Variants in SH3KBP1 observed in about 807,000 individuals in gnomAD.
SH3KBP1 encodes SH3 domain-containing kinase-binding protein 1.
SH3KBP1 carries 8 observed loss-of-function variants against 50.1 expected under a neutral mutation model. The observed-to-expected ratio is 0.16, with a 90% confidence interval of 0.09 to 0.29. The LOEUF (loss-of-function observed/expected upper bound fraction) is 0.29, where lower values mean the gene tolerates loss of function less well. SH3KBP1 is among the 10% of genes least tolerant of loss of function. The pLI is 1.00. For synonymous variants in SH3KBP1, 227 were observed against 218.6 expected (o/e 1.04, Z -0.34); for missense variants, 377 against 535.2 (o/e 0.70, Z 2.92).
chrX:19,611,458 A>G (rs1023646300), intron 8 of SH3KBP1, among the ~76,000 whole-genome samples: 1 of 111,495 alleles, frequency 9.0e-6, no homozygotes, highest in Admixed American at 9.5e-5. Flanking sequence ...GGTTCAAGCA[A>G]TTCTCCTGCC....
At chrX:19,697,912 C>T (rs2063458029) in intron 4 of SH3KBP1, among the ~76,000 whole-genome samples, 1 of 111,907 alleles carries the variant, frequency 8.9e-6, no homozygotes, top group Admixed American at 9.4e-5. Flanking sequence ...TGCACAATCA[C>T]AAAATCTTCG....
At position 19,622,644 on chromosome X, in the gene SH3KBP1, A is replaced by G. The variant is rs1162794343; in HGVS notation, c.897+9220T>C. On this transcript the variant is annotated intron_variant, in intron 8 of 17. Coordinates refer to ENST00000397821, the MANE Select transcript of SH3KBP1 (RefSeq NM_031892.3). ...AGTAACCTGCCAAGGTATCACAGCTAGAAGGAAGTGGCAGAAATGCACACA... is the reference window on the plus strand; with the variant it reads ...AGTAACCTGCCAAGGTATCACAGCTGGAAGGAAGTGGCAGAAATGCACACA... Among the ~76,000 whole-genome samples, 22 of 112,650 alleles carry G rather than the reference A, an allele frequency of 2.0e-4. No homozygotes were observed. In the Admixed American group the frequency reaches 2.1e-3, roughly 11 times the overall value.
intron 6 of SH3KBP1, among the ~76,000 whole-genome samples, chrX:19,653,441 G>A (rs1479168498): frequency 3.6e-5 from 4 of 111,104 alleles, no homozygotes; most frequent in Middle Eastern, 4.7e-3. Context: ...GGCCAGGCAC[G>A]GTGGCTTACG....
chrX:19,843,543 G>C (rs1489713401), intron 1 of SH3KBP1, among the ~76,000 whole-genome samples: 2 of 111,319 alleles, frequency 1.8e-5, no homozygotes, highest in Non-Finnish European at 3.8e-5. Flanking sequence ...ACACCACTAA[G>C]GGACATCAAC....
chrX:19,733,718 A>T (rs1359110790), intron 3 of SH3KBP1, among the ~76,000 whole-genome samples: 1 of 111,472 alleles, frequency 9.0e-6, no homozygotes, highest in Non-Finnish European at 1.9e-5. Context: ...AATGAAAAGC[A>T]AACAAATTGG....
At chrX:19,666,273 G>T (rs964408962) in intron 6 of SH3KBP1, among the ~76,000 whole-genome samples, 3 of 111,316 alleles carry the variant, frequency 2.7e-5, no homozygotes, top group African/African-American at 9.8e-5. Context: ...AATAACAGTT[G>T]CACAAAAGAT....
chrX:19,589,174 G>A (rs1458964717), intron 11 of SH3KBP1, among the ~76,000 whole-genome samples: 2 of 112,692 alleles, frequency 1.8e-5, no homozygotes, highest in East Asian at 2.8e-4. Context: ...ACAGGGCAGC[G>A]CTTTACAAAC....
rs2069342596 is a variant in SH3KBP1 at position 19,878,767 on chromosome X, A to G, written c.4+8540T>C. On this transcript the variant is annotated intron_variant, in intron 1 of 17. Coordinates refer to ENST00000397821, the MANE Select transcript of SH3KBP1 (RefSeq NM_031892.3). ...AAAAAAGAAAGTTTTGGAACTAGATAGTGGTGATGGTTGCAAAGCATTGTG... is the reference window on the plus strand; with the variant it reads ...AAAAAAGAAAGTTTTGGAACTAGATGGTGGTGATGGTTGCAAAGCATTGTG... 2.7e-5 allele frequency among the ~76,000 whole-genome samples: 3 copies of G among 111,273 alleles called. No homozygotes were observed. In the South Asian group the frequency reaches 1.1e-3, roughly 42 times the overall value.
In SH3KBP1 at chrX:19,540,866, T is replaced by G. The variant is rs139299137; in HGVS notation, c.1892+1059A>C. Among the ~76,000 whole-genome samples, 235 of 111,745 alleles carry G rather than the reference T, an allele frequency of 2.1e-3. 2 individuals are homozygous for G. In the East Asian group the frequency reaches 0.054, roughly 26 times the overall value. ...TCCCTTGATTCTCTCAAGAAACAGC[T>G]AACTGATCCCTAAACTCCTCGAGCC... On this transcript the variant is annotated intron_variant, in intron 16 of 17. Transcript: ENST00000397821.
chrX:19,573,083 T>C (rs1484118258), intron 12 of SH3KBP1, among the ~76,000 whole-genome samples: 1 of 111,775 alleles, frequency 8.9e-6, no homozygotes, highest in Non-Finnish European at 1.9e-5. Context: ...GAGAATGCAT[T>C]ATGTATTTGT....
intron 2 of SH3KBP1, among the ~76,000 whole-genome samples, chrX:19,809,098 G>A (rs1409743179): frequency 1.1e-4 from 12 of 111,957 alleles, no homozygotes; most frequent in East Asian, 2.8e-4. Flanking sequence ...TAAATAGACT[G>A]AGGTATGTGT....
chrX:19,602,028 C>T (rs1445434793), intron 9 of SH3KBP1, among the ~76,000 whole-genome samples: 3 of 110,793 alleles, frequency 2.7e-5, no homozygotes, highest in Non-Finnish European at 3.8e-5. Context: ...TGGTTTCTCC[C>T]TAAGATGCTC....
intron 6 of SH3KBP1, chrX:19,670,455 T>C: frequency 1.8e-6 from 1 of 542,165 alleles, no homozygotes; most frequent in Non-Finnish European, 2.2e-6. Context: ...TGCACAAACA[T>C]CTGTAATTGC....
chrX:19,624,446 G>A (rs144546002), intron 8 of SH3KBP1, among the ~76,000 whole-genome samples: 6 of 111,860 alleles, frequency 5.4e-5, no homozygotes, highest in African/African-American at 2.0e-4. Flanking sequence ...GTAGGCATAT[G>A]CACCTGGGAA....
chrX:19,541,852 G>T, intron 16 of SH3KBP1, 73 bp downstream of exon 16: 1 of 1,118,783 alleles, frequency 8.9e-7, no homozygotes, highest in South Asian at 2.1e-5. Flanking sequence ...TGGGATCCAT[G>T]CTTTCAGAAC....
At chrX:19,672,544 A>G (rs1394137816) in intron 6 of SH3KBP1, among the ~76,000 whole-genome samples, 3 of 112,345 alleles carry the variant, frequency 2.7e-5, no homozygotes, top group Non-Finnish European at 5.6e-5. Flanking sequence ...CACGACTCCA[A>G]TCTACTCATG....
chrX:19,661,537 CT>C (rs2148483590), intron 6 of SH3KBP1, among the ~76,000 whole-genome samples: 1 of 80,849 alleles, frequency 1.2e-5, no homozygotes, highest in South Asian at 5.3e-4. Context: ...ATTATCAGTT[CT>C]TTTTAGCTTT....
At chrX:19,683,332 G>A (rs750490443) in intron 6 of SH3KBP1, 5 of 370,594 alleles carry the variant, frequency 1.3e-5, no homozygotes, top group Admixed American at 2.6e-5. Context: ...TCACACCTGC[G>A]GGAGACTTCC....
chrX:19,734,200 A>AT (rs1018391613), intron 3 of SH3KBP1, among the ~76,000 whole-genome samples: 6 of 111,522 alleles, frequency 5.4e-5, no homozygotes, highest in African/African-American at 2.0e-4. Context: ...AGAGAATCTC[A>AT]TTTTTTTCTC....
Sources: gnomAD v4.1 joint callset for allele counts (sites outside exome capture counted in the v4.1 genomes callset) on GRCh38, gnomAD v4.1.1 for gene constraint, MANE v1.5 for transcripts, NCBI Gene and HGNC (gene_info 2026-07-23, HGNC 2026-07-21) for gene names.